The following COL22A1 variants were observed in gnomAD, a reference collection of about 807,000 sequenced individuals.
COL22A1 encodes the protein collagen type XXII alpha 1 chain.
In COL22A1, 221 loss-of-function variants were observed where a neutral mutation model predicts 248.9. The ratio of observed to expected loss-of-function variants is 0.89; its 90% CI spans 0.80 to 0.99. The LOEUF is 0.99. Among genes scored for constraint, COL22A1 ranks in the 50% least tolerant of loss-of-function variants. COL22A1 has a pLI of 0.00. For missense variants in COL22A1, 2,240 were observed against 2,179.0 expected, an observed-to-expected ratio of 1.03 and a Z score of -0.56; for synonymous variants, 891 against 793.4, an observed-to-expected ratio of 1.12 and a Z score of -2.07.
intron 47 of COL22A1, among the ~76,000 whole-genome samples, chr8:138,637,318 A>G (rs530049033): frequency 1.2e-3 from 177 of 152,278 alleles, no homozygotes; most frequent in African/African-American, 4.1e-3. Flanking sequence ...AGAAGTTTAG[A>G]TGGTGGCCAG....
At chr8:138,693,741 A>G in intron 34 of COL22A1, 42 bp from the exon 35 acceptor site, 3 of 1,546,316 alleles carry the variant, frequency 1.9e-6, no homozygotes, top group South Asian at 1.2e-5. Flanking sequence ...AGACACCCTC[A>G]GTGATGCTGT....
chr8:138,821,365 G>C lies in COL22A1; in HGVS notation c.1016C>G (p.Ala339Gly). 6.2e-7 allele frequency: 1 copy of C among 1,614,146 alleles called. No homozygotes were observed. The highest frequency in any genetic ancestry group is 8.5e-7 in the Non-Finnish European group (1 of 1,180,016). ...DGENKAVEYN[A>G]VGAMKDAVRV... ...GACAGCATCTTTCATGGCACCCACA[G>C]CGTTGTACTCGACTGCCTTGTTTTC... Residue 339 changes from alanine (A) to glycine (G), a missense_variant, in exon 7 of 65, where the codon GCT (alanine) becomes GGT (glycine). Transcript: ENST00000303045.
At chr8:138,715,604 T>C in intron 30 of COL22A1, 78 bp downstream of exon 30, 2 of 950,270 alleles carry the variant, frequency 2.1e-6, no homozygotes, top group Non-Finnish European at 3.3e-6. Flanking sequence ...ATAGAGTATA[T>C]TCTGCAGAAA....
chr8:138,613,992 T>C (rs1253662337), intron 55 of COL22A1, 72 bp from the exon 56 acceptor site: 4 of 1,270,438 alleles, frequency 3.1e-6, no homozygotes, highest in African/African-American at 2.9e-5. Flanking sequence ...CAATTTCAAA[T>C]GTTAACCAAA....
At chr8:138,743,738 C>G (rs531503557) in intron 22 of COL22A1, among the ~76,000 whole-genome samples, 1 of 152,222 alleles carries the variant, frequency 6.6e-6, no homozygotes, top group Admixed American at 6.5e-5. Context: ...AGCACAATAT[C>G]TGGATTAAGT....
chr8:138,882,409 TATTC>T (rs1469369148), intron 2 of COL22A1, among the ~76,000 whole-genome samples: 150 of 71,042 alleles, frequency 2.1e-3, no homozygotes, highest in Admixed American at 3.6e-3. Flanking sequence ...AACTCACACA[TATTC>T]TCTCACACTC....
chr8:138,623,025 C>T (rs147480929), intron 52 of COL22A1, among the ~76,000 whole-genome samples: 1 of 151,864 alleles, frequency 6.6e-6, no homozygotes, highest in East Asian at 1.9e-4. Context: ...GAAGGACTGA[C>T]CAAACTCAGT....
intron 40 of COL22A1, among the ~76,000 whole-genome samples, chr8:138,677,929 A>G (rs1448309130): frequency 2.0e-5 from 3 of 152,218 alleles, no homozygotes; most frequent in African/African-American, 7.2e-5. Flanking sequence ...ACAGCCTCAG[A>G]AGCTTGTTAT....
chr8:138,830,901 C>CA, intron 5 of COL22A1, among the ~76,000 whole-genome samples: 3 of 151,908 alleles, frequency 2.0e-5, no homozygotes. Context: ...GTGCACCCCC[C>CA]ACATGAGCAT....
At chr8:138,820,196 G>A (rs145000565) in intron 7 of COL22A1, among the ~76,000 whole-genome samples, 3 of 152,114 alleles carry the variant, frequency 2.0e-5, no homozygotes, top group East Asian at 1.9e-4. Context: ...TATCCTATGC[G>A]TAATGGTACT....
chr8:138,767,652 A>T (rs1398455408), intron 16 of COL22A1, among the ~76,000 whole-genome samples: 3 of 152,202 alleles, frequency 2.0e-5, no homozygotes, highest in Non-Finnish European at 4.4e-5. Flanking sequence ...AAGCGATCGT[A>T]TGGGATATTG....
Position 138,807,783 on chromosome 8 carries a change from C to T in COL22A1, c.1479G>A (p.Gly493=), listed in dbSNP as rs761738383. The T allele has an allele frequency of 5.0e-6, 8 of 1,613,836 alleles. No homozygotes were observed. Among genetic ancestry groups the T allele is most frequent in the African/African-American group, 2.7e-5 (2 of 74,898 alleles). Residue 493 remains glycine (G), a synonymous_variant, in exon 10 of 65, where the codon GGG becomes GGA. Transcript: ENST00000303045. ...CTGTACTGACCTTTGGACCAGGGAG[C>T]CCCATGGGGCCAGCAACTCCCATTT... is the stretch of plus-strand genomic sequence containing the variant. ...KGEMGVAGPM[G]LPGPKGDIGA...
intron 3 of COL22A1, among the ~76,000 whole-genome samples, chr8:138,872,019 A>G (rs1823383859): frequency 6.6e-6 from 1 of 152,210 alleles, no homozygotes; most frequent in Non-Finnish European, 1.5e-5. Flanking sequence ...CTGACCCCAC[A>G]TTACAGGTAA....
At chr8:138,744,481 C>CCACACACACACACA (rs60847304) in intron 22 of COL22A1, among the ~76,000 whole-genome samples, 40 of 148,750 alleles carry the variant, frequency 2.7e-4, no homozygotes, top group African/African-American at 9.8e-4. Flanking sequence ...CACACACACA[C>CCACACACACACACA]CACACACACA....
At chr8:138,612,664 C>T (rs530512991) in intron 56 of COL22A1, among the ~76,000 whole-genome samples, 3 of 152,196 alleles carry the variant, frequency 2.0e-5, no homozygotes, top group East Asian at 1.9e-4. Flanking sequence ...CAGTGGCTCA[C>T]GCCTGTAATC....
chr8:138,770,682 G>A (rs952154345), intron 16 of COL22A1, among the ~76,000 whole-genome samples: 21 of 152,212 alleles, frequency 1.4e-4, no homozygotes, highest in African/African-American at 5.1e-4. Flanking sequence ...TAAACTGTAA[G>A]CACCCACCAA....
chr8:138,717,090 T>TC (rs367586402), intron 27 of COL22A1, among the ~76,000 whole-genome samples: 1 of 152,192 alleles, frequency 6.6e-6, no homozygotes, highest in African/African-American at 2.4e-5. Context: ...TCTTTTGCTT[T>TC]CCCCAAAAGA....
intron 41 of COL22A1, among the ~76,000 whole-genome samples, chr8:138,664,209 G>GCGCACACACA (rs1440442280): frequency 3.9e-5 from 4 of 103,158 alleles, no homozygotes; most frequent in African/African-American, 1.6e-4. Context: ...GCGCGCGCGC[G>GCGCACACACA]CACACACACA....
chr8:138,812,538 C>T (rs1031477912), intron 8 of COL22A1, among the ~76,000 whole-genome samples: 1 of 152,168 alleles, frequency 6.6e-6, no homozygotes, highest in Non-Finnish European at 1.5e-5. Context: ...AAGGGGCAAA[C>T]CCTGGTGTCT....
Sources: allele counts gnomAD v4.1 joint callset (sites outside exome capture counted in the v4.1 genomes callset), GRCh38; gene constraint gnomAD v4.1.1; transcripts MANE v1.5; gene names NCBI Gene and HGNC (gene_info 2026-07-23, HGNC 2026-07-21).